The following ALDH18A1 variants were observed in gnomAD, a reference collection of about 807,000 sequenced individuals.
ALDH18A1 encodes the protein aldehyde dehydrogenase 18 family member A1.
In ALDH18A1, 44 loss-of-function variants were observed where a neutral mutation model predicts 88.8. The observed-to-expected ratio is 0.50, with a 90% CI of 0.39 to 0.64. ALDH18A1 has a LOEUF of 0.64. Among genes scored for constraint, ALDH18A1 ranks in the 30% least tolerant of loss-of-function variants. The pLI is 0.00. For missense variants in ALDH18A1, 782 were observed against 1,009.5 expected, an observed-to-expected ratio of 0.77 and a Z score of 3.05; for synonymous variants, 331 against 372.1, an observed-to-expected ratio of 0.89 and a Z score of 1.27.
At chr10:95,655,543 G>A in intron 1 of ALDH18A1, among the ~76,000 whole-genome samples, 1 of 66,762 alleles carries the variant, frequency 1.5e-5, no homozygotes, top group East Asian at 4.6e-4. Flanking sequence ...GAACACCTAC[G>A]GTCACTGAAA....
chr10:95,628,226 T>C (rs2097863102), intron 8 of ALDH18A1, 142 bp downstream of exon 8: 1 of 1,203,286 alleles, frequency 8.3e-7, no homozygotes, highest in African/African-American at 1.5e-5. Flanking sequence ...TCATTAAATC[T>C]GTATTTAGGT....
At chr10:95,636,198 G>GTA (rs2097880365) in intron 5 of ALDH18A1, among the ~76,000 whole-genome samples, 1 of 152,108 alleles carries the variant, frequency 6.6e-6, no homozygotes, top group Admixed American at 6.6e-5. Context: ...AACAATATAT[G>GTA]TATATATAAC....
At chr10:95,628,223 A>G (rs368707844) in intron 8 of ALDH18A1, 145 bp downstream of exon 8, 1 of 1,186,830 alleles carries the variant, frequency 8.4e-7, no homozygotes. Flanking sequence ...CACTCATTAA[A>G]TCTGTATTTA....
chr10:95,640,060 G>A (rs1258553864), intron 3 of ALDH18A1, among the ~76,000 whole-genome samples: 1 of 152,042 alleles, frequency 6.6e-6, no homozygotes, highest in East Asian at 1.9e-4. Context: ...ATTCCATTAG[G>A]AGATGCAAAA....
chr10:95,611,449 C>G lies in ALDH18A1; in HGVS notation c.1924-7G>C, dbSNP rs1452138163. The G allele has an allele frequency of 3.1e-6, 5 of 1,613,906 alleles. No individual in the cohort carries two copies. The African/African-American group carries it at 5.3e-5, about 17-fold the overall frequency. ...GGCCTGCATGAATTTTTACCTGGAACAGAGGAAGTCCAGGGGCAACAACAT... is the reference window on the plus strand; with the variant it reads ...GGCCTGCATGAATTTTTACCTGGAAGAGAGGAAGTCCAGGGGCAACAACAT... On this transcript the variant is annotated splice_polypyrimidine_tract_variant and splice_region_variant and intron_variant, in intron 15 of 17. Coordinates refer to ENST00000371224, the MANE Select transcript of ALDH18A1 (RefSeq NM_002860.4).
chr10:95,624,443 G>A (rs1298082697), intron 11 of ALDH18A1, among the ~76,000 whole-genome samples: 1 of 152,186 alleles, frequency 6.6e-6, no homozygotes, highest in Non-Finnish European at 1.5e-5. Context: ...AAAATGAGAT[G>A]TAAATTCTAG....
At chr10:95,615,085 G>A (rs2097841940) in intron 13 of ALDH18A1, among the ~76,000 whole-genome samples, 1 of 152,176 alleles carries the variant, frequency 6.6e-6, no homozygotes, top group South Asian at 2.1e-4. Context: ...CACTTTGGGA[G>A]GCTGAGGCAG....
At chr10:95,624,292 CCAA>C (rs1471040671) in intron 11 of ALDH18A1, among the ~76,000 whole-genome samples, 1 of 150,846 alleles carries the variant, frequency 6.6e-6, no homozygotes, top group East Asian at 1.9e-4. Context: ...GAGTCTTCTG[CCAA>C]CAACAAGCTG....
intron 15 of ALDH18A1, among the ~76,000 whole-genome samples, chr10:95,613,427 GAACACCT>G (rs1363277052): frequency 9.1e-6 from 1 of 110,166 alleles, no homozygotes; most frequent in Non-Finnish European, 2.3e-5. Context: ...ATATGCTTGG[GAACACCT>G]TGCATATATA....
At chr10:95,628,324 G>T (rs2097863230) in intron 8 of ALDH18A1, 44 bp downstream of exon 8, 1 of 1,613,236 alleles carries the variant, frequency 6.2e-7, no homozygotes. Flanking sequence ...AATATAGTTT[G>T]GGCTTTAAAA....
intron 10 of ALDH18A1, among the ~76,000 whole-genome samples, chr10:95,626,091 C>G (rs1452796107): frequency 6.6e-6 from 1 of 152,156 alleles, no homozygotes; most frequent in African/African-American, 2.4e-5. Flanking sequence ...GAAAGGGAAG[C>G]TAGGCTCCTC....
intron 5 of ALDH18A1, among the ~76,000 whole-genome samples, chr10:95,636,099 G>A (rs2097880064): frequency 6.6e-6 from 1 of 152,166 alleles, no homozygotes; most frequent in Non-Finnish European, 1.5e-5. Flanking sequence ...GGACACTCTG[G>A]TGTAATACCA....
At chr10:95,655,746 C>T (rs2097917064) in intron 1 of ALDH18A1, among the ~76,000 whole-genome samples, 1 of 151,780 alleles carries the variant, frequency 6.6e-6, no homozygotes, top group African/African-American at 2.4e-5. Flanking sequence ...GACTGTGTCT[C>T]GACTCTGTGT....
chr10:95,610,771 C>T (rs999018366), intron 16 of ALDH18A1, among the ~76,000 whole-genome samples: 5 of 152,302 alleles, frequency 3.3e-5, no homozygotes, highest in South Asian at 4.1e-4. Context: ...GCTGTTAATA[C>T]GGGTGGTACT....
intron 7 of ALDH18A1, among the ~76,000 whole-genome samples, chr10:95,631,712 C>T (rs901213165): frequency 4.2e-5 from 6 of 142,946 alleles, no homozygotes; most frequent in African/African-American, 1.6e-4. Flanking sequence ...CACTACACTC[C>T]TGCCTGGGTG....
chr10:95,621,053 G>C lies in ALDH18A1; in HGVS notation c.1445C>G (p.Ser482Cys). The C allele has an allele frequency of 6.2e-7, 1 of 1,614,078 alleles. No homozygotes were observed. Among genetic ancestry groups the C allele is most frequent in the Non-Finnish European group, 8.5e-7 (1 of 1,180,032 alleles). Residue 482 changes from serine to cysteine, a missense_variant, in exon 12 of 18, where the codon TCT becomes TGT. Around this residue, in one of 3 missense-constraint regions of ALDH18A1, gnomAD observed 556 missense variants for 654.5 expected, o/e 0.85. Transcript: ENST00000371224. ...PIGVLLVIFE[S>C]RPDCLPQVAA... ...CACCTGGGGTAGACAGTCAGGACGA[G>C]ATTCAAAGATCACCAGCAGAACTCC...
intron 8 of ALDH18A1, 91 bp from the exon 9 acceptor site, chr10:95,627,677 T>C: frequency 4.1e-6 from 6 of 1,474,916 alleles, no homozygotes; most frequent in Admixed American, 1.7e-5. Flanking sequence ...TACAAGTTGA[T>C]ATTGAACAAC....
At chr10:95,637,632 A>C (rs1330842248) in intron 3 of ALDH18A1, among the ~76,000 whole-genome samples, 196 bp from the exon 4 acceptor site, 2 of 152,202 alleles carry the variant, frequency 1.3e-5, no homozygotes, top group African/African-American at 4.8e-5. Context: ...ATTTCTATTT[A>C]GCAGGTGGCA....
At chr10:95,609,569 T>C (rs547056315) in intron 17 of ALDH18A1, among the ~76,000 whole-genome samples, 17 of 152,300 alleles carry the variant, frequency 1.1e-4, no homozygotes, top group African/African-American at 3.9e-4. Context: ...CTTGCTCAAG[T>C]TTGGGTCTGA....
Sources: gnomAD v4.1 joint callset for allele counts (sites outside exome capture counted in the v4.1 genomes callset) on GRCh38, gnomAD v4.1.1 for gene constraint, gnomAD v4.1.1 regional missense constraint, MANE v1.5 for transcripts, NCBI Gene and HGNC (gene_info 2026-07-23, HGNC 2026-07-21) for gene names.